The following SNX6 variants were observed in gnomAD, a reference collection of about 807,000 sequenced individuals.
The protein encoded by SNX6 is sorting nexin-6.
SNX6 carries 34 observed loss-of-function variants against 63.0 expected under a neutral mutation model. That is an observed-to-expected ratio of 0.54 (90% CI 0.41 to 0.72). SNX6 has a LOEUF of 0.72. Ranked by LOEUF, SNX6 falls within the 30% of genes least tolerant of loss-of-function variation. SNX6 has a pLI of 0.00. For synonymous variants in SNX6, 170 were observed against 164.2 expected (o/e 1.04, Z -0.27); for missense variants, 398 against 471.4 (o/e 0.84, Z 1.44).
intron 2 of SNX6, 93 bp downstream of exon 2, chr14:34,629,814 G>C (rs1480743275): frequency 1.8e-5 from 28 of 1,517,480 alleles, no homozygotes; most frequent in Non-Finnish European, 2.4e-5. Context: ...GGAGTGCCGC[G>C]CGGCTGGGGA....
intron 11 of SNX6, chr14:34,568,725 G>T: frequency 1.1e-6 from 1 of 886,810 alleles, no homozygotes; most frequent in Non-Finnish European, 1.9e-6. Context: ...CCTGTCCAGC[G>T]ATTCTGTCCA....
chr14:34,622,154 G>A (rs1176391958), intron 2 of SNX6, among the ~76,000 whole-genome samples: 1 of 150,248 alleles, frequency 6.7e-6, no homozygotes, highest in East Asian at 2.0e-4. Context: ...TACAGTTGGG[G>A]TTTCGTCACG....
rs949988346 is a variant in SNX6, at chr14:34,575,687, T to A, written c.921+69A>T. On this transcript the variant is annotated intron_variant, in intron 11 of 13. Coordinates refer to ENST00000362031, the MANE Select transcript of SNX6 (RefSeq NM_152233.4). ...AAAGGAGATAAATCATCATTAACAA[T>A]CTGAAGTCTAACAAACTCAAGAAAT... 5.4e-5 allele frequency: 38 copies of A among 708,294 alleles called. 2 individuals carry two copies. In the Admixed American group the frequency reaches 9.9e-4, roughly 18 times the overall value. The allele number at this position is 708,294 out of a possible 1,614,324, so 43.9% of individuals were successfully genotyped here.
At chr14:34,563,622 T>G (rs542338083) in intron 13 of SNX6, among the ~76,000 whole-genome samples, 1 of 152,268 alleles carries the variant, frequency 6.6e-6, no homozygotes, top group Non-Finnish European at 1.5e-5. Context: ...ATCGATATAT[T>G]AGAAATTTTA....
chr14:34,604,130 C>A, intron 5 of SNX6: 1 of 1,265,234 alleles, frequency 7.9e-7, no homozygotes, highest in Non-Finnish European at 1.0e-6. Flanking sequence ...ATAAGTTTTA[C>A]ATACCAGCAA....
chr14:34,607,955 A>C, intron 4 of SNX6, 75 bp downstream of exon 4: 1 of 748,698 alleles, frequency 1.3e-6, no homozygotes, highest in Non-Finnish European at 2.2e-6. Context: ...AAAAATGCTA[A>C]ACAAGATTCC....
At chr14:34,628,787 AGCAAAAG>A (rs1288631296) in intron 2 of SNX6, among the ~76,000 whole-genome samples, 1 of 152,202 alleles carries the variant, frequency 6.6e-6, no homozygotes, top group Non-Finnish European at 1.5e-5. Context: ...GATAAGAAAA[AGCAAAAG>A]GGAAAACTGA....
chr14:34,622,363 G>A (rs1394471001), intron 2 of SNX6, among the ~76,000 whole-genome samples: 5 of 151,210 alleles, frequency 3.3e-5, no homozygotes, highest in East Asian at 2.0e-4. Flanking sequence ...GGTGGATCAC[G>A]AGGTCAGGAG....
rs908128934 is a variant in SNX6, at chr14:34,629,602, C to T, written c.54+305G>A. The T allele has an allele frequency of 4.7e-6, 3 of 643,390 alleles. No individual in the cohort carries two copies. In the African/African-American group the frequency reaches 5.4e-5, roughly 12 times the overall value. 39.9% of individuals were successfully genotyped at this position (643,390 alleles called of 1,614,324 possible). A position where few individuals can be genotyped will look rare whatever the true frequency, so the allele number is the denominator to read the frequency against. ...TCGAGGGAGGGTGGGGGCGTTCCAT[C>T]TCCCGCCTCCATTTCCACTTCGCCA... On this transcript the variant is annotated intron_variant, in intron 2 of 13. Coordinates refer to ENST00000362031, the MANE Select transcript of SNX6 (RefSeq NM_152233.4).
intron 4 of SNX6, among the ~76,000 whole-genome samples, chr14:34,606,641 G>A (rs565080016): frequency 6.6e-6 from 1 of 152,114 alleles, no homozygotes; most frequent in South Asian, 2.1e-4. Context: ...TAGTAGAGAT[G>A]CGGTTTCTCC....
intron 6 of SNX6, among the ~76,000 whole-genome samples, chr14:34,599,606 T>TAAA (rs143732306): frequency 6.5e-5 from 8 of 123,442 alleles, no homozygotes; most frequent in African/African-American, 2.4e-4. Context: ...AAACTCTGTC[T>TAAA]AAAAAAAAAA....
At chr14:34,572,211 T>C (rs1248910687) in intron 11 of SNX6, among the ~76,000 whole-genome samples, 2 of 152,194 alleles carry the variant, frequency 1.3e-5, no homozygotes, top group Non-Finnish European at 1.5e-5. Context: ...GTTTTAATTC[T>C]GACAACTAAA....
chr14:34,567,980 C>A lies in SNX6; in HGVS notation c.955G>T (p.Asp319Tyr). Reference sequence around the variant, plus strand: ...AGTGCTTTATTAGCATTTTCATAATCCACTAGTGACCTAGACCTTCGATAC... The same window carrying A: ...AGTGCTTTATTAGCATTTTCATAATACACTAGTGACCTAGACCTTCGATAC... The part of the protein sequence containing the change: ...LLYRRSRSLV[D>Y]YENANKALDK... Residue 319 changes from aspartate to tyrosine, a missense_variant, in exon 12 of 14, where the codon GAT becomes TAT. Asp to Tyr is a radical substitution (Grantham distance 160). Transcript: ENST00000362031. 6.2e-7 allele frequency: 1 copy of A among 1,611,958 alleles called. No homozygotes were observed. Among genetic ancestry groups the A allele is most frequent in the Non-Finnish European group, 8.5e-7 (1 of 1,179,936 alleles).
At chr14:34,588,973 A>C (rs1882284240) in intron 8 of SNX6, among the ~76,000 whole-genome samples, 1 of 151,914 alleles carries the variant, frequency 6.6e-6, no homozygotes, top group African/African-American at 2.4e-5. Context: ...GTCTCTACTA[A>C]AAATGCAAAA....
intron 3 of SNX6, among the ~76,000 whole-genome samples, chr14:34,608,886 G>A (rs539423759): frequency 1.3e-5 from 2 of 152,162 alleles, no homozygotes; most frequent in South Asian, 4.2e-4. Context: ...AAATTAGCCG[G>A]GCGTGGTGGC....
chr14:34,618,508 G>A (rs1235857590), intron 2 of SNX6, among the ~76,000 whole-genome samples: 4 of 152,064 alleles, frequency 2.6e-5, no homozygotes, highest in Non-Finnish European at 5.9e-5. Flanking sequence ...GCGACACCAT[G>A]CCCAGCTAAT....
At chr14:34,606,496 A>C (rs1318083628) in intron 4 of SNX6, among the ~76,000 whole-genome samples, 6 of 148,298 alleles carry the variant, frequency 4.0e-5, no homozygotes, top group Non-Finnish European at 8.9e-5. Context: ...CTTGTTGCCC[A>C]ACCTGGACTG....
chr14:34,578,195 C>A (rs1449285637), intron 10 of SNX6, among the ~76,000 whole-genome samples: 1 of 151,618 alleles, frequency 6.6e-6, no homozygotes, highest in Non-Finnish European at 1.5e-5. Flanking sequence ...CAGAGCAAGA[C>A]TCTGTCTCAA....
At chr14:34,617,312 ACT>A (rs1276018297) in intron 2 of SNX6, among the ~76,000 whole-genome samples, 2 of 152,052 alleles carry the variant, frequency 1.3e-5, no homozygotes, top group Non-Finnish European at 2.9e-5. Flanking sequence ...CAATTTAAAG[ACT>A]CTGACCTGTG....
Sources: gnomAD v4.1 joint callset for allele counts (sites outside exome capture counted in the v4.1 genomes callset) on GRCh38, gnomAD v4.1.1 for gene constraint, MANE v1.5 for transcripts, NCBI Gene and HGNC (gene_info 2026-07-23, HGNC 2026-07-21) for gene names.